Variants in UACA observed in about 807,000 individuals in gnomAD.
The protein encoded by UACA is nuclear membrane binding protein.
UACA carries 112 observed loss-of-function variants against 160.5 expected under a neutral mutation model. The ratio of observed to expected loss-of-function variants is 0.70; its 90% CI spans 0.60 to 0.82. The LOEUF (loss-of-function observed/expected upper bound fraction) is 0.82, where lower values mean the gene tolerates loss of function less well. Among genes scored for constraint, UACA ranks in the 40% least tolerant of loss-of-function variants. The pLI is 0.00. For synonymous variants in UACA, 557 were observed against 568.4 expected, an observed-to-expected ratio of 0.98 and a Z score of 0.29; for missense variants, 1,574 against 1,614.6, an observed-to-expected ratio of 0.97 and a Z score of 0.43.
In UACA at chr15:70,656,382, T is replaced by A. The variant is rs1896474279; in HGVS notation, c.*674A>T. 6.6e-6 allele frequency: 1 copy of A among 152,198 alleles called. No individual in the cohort carries two copies. The highest frequency in any genetic ancestry group is 2.4e-5 in the African/African-American group (1 of 41,440). 9.4% of individuals were successfully genotyped at this position (152,198 alleles called of 1,614,324 possible). A position where few individuals can be genotyped will look rare whatever the true frequency, so the allele number is the denominator to read the frequency against. On this transcript the variant is annotated 3_prime_UTR_variant, in exon 19 of 19. Coordinates refer to ENST00000322954, the MANE Select transcript of UACA (RefSeq NM_018003.4). ...AAAAATTAAGATACTGTTGTAGAGA[T>A]TAAGGCAATTTTATTATAAATTCCT...
chr15:70,706,097 T>C (rs1898515476), intron 1 of UACA, among the ~76,000 whole-genome samples: 1 of 152,186 alleles, frequency 6.6e-6, no homozygotes, highest in Admixed American at 6.5e-5. Context: ...GTATAATCTT[T>C]ATTCCTGGAA....
In UACA at chr15:70,694,959, A is replaced by G. The variant is rs77869548; in HGVS notation, c.301+58T>C. 1.2e-3 allele frequency: 1,542 copies of G among 1,293,244 alleles called. 17 individuals carry two copies. In the African/African-American group the frequency reaches 0.02, roughly 17 times the overall value. The allele number at this position is 1,293,244 out of a possible 1,614,324, so 80.1% of individuals were successfully genotyped here. A position where few individuals can be genotyped will look rare whatever the true frequency, so the allele number is the denominator to read the frequency against. ...TTTAGGTCTGAATAAAAATGTTAGC[A>G]GTGGACAATGTTTGTTTTCACTTTA... On this transcript the variant is annotated intron_variant, in intron 3 of 18. Coordinates refer to ENST00000322954, the MANE Select transcript of UACA (RefSeq NM_018003.4).
intron 17 of UACA, 47 bp downstream of exon 17, chr15:70,664,615 G>T: frequency 6.4e-7 from 1 of 1,552,148 alleles, no homozygotes; most frequent in Non-Finnish European, 8.7e-7. Flanking sequence ...CTAACTACAG[G>T]GAGCCAGCAC....
At chr15:70,772,013 A>G in the UACA span, among the ~76,000 whole-genome samples, 4 of 152,196 alleles carry the variant, frequency 2.6e-5, no homozygotes, top group Non-Finnish European at 4.4e-5. Context: ...AAGCTAACTA[A>G]GTAGGGGATG....
the UACA span, among the ~76,000 whole-genome samples, chr15:70,769,136 G>T: frequency 6.6e-6 from 1 of 151,726 alleles, no homozygotes; most frequent in Admixed American, 6.6e-5. Flanking sequence ...AGGCGGGCAG[G>T]TCACGAAGTC....
At chr15:70,658,814 G>A (rs1009031374) in intron 18 of UACA, among the ~76,000 whole-genome samples, 15 of 152,048 alleles carry the variant, frequency 9.9e-5, no homozygotes, top group African/African-American at 3.6e-4. Flanking sequence ...ACAGCAGGAT[G>A]TTTACATTTC....
At chr15:70,666,695 C>T in intron 16 of UACA, 29 bp downstream of exon 16, 2 of 1,537,536 alleles carry the variant, frequency 1.3e-6, no homozygotes, top group Non-Finnish European at 8.7e-7. Flanking sequence ...GTTTCCAACA[C>T]ATAGCCGTGC....
intron 2 of UACA, among the ~76,000 whole-genome samples, chr15:70,697,416 A>C (rs1302533454): frequency 6.6e-6 from 1 of 152,226 alleles, no homozygotes; most frequent in Non-Finnish European, 1.5e-5. Context: ...ATCCTTGGTG[A>C]ACCTTCCCCA....
intron 1 of UACA, among the ~76,000 whole-genome samples, chr15:70,704,481 C>A (rs1192984369): frequency 6.6e-6 from 1 of 152,166 alleles, no homozygotes; most frequent in African/African-American, 2.4e-5. Context: ...GCCTACAAAT[C>A]CACTGGACTC....
intron 10 of UACA, 75 bp downstream of exon 10, chr15:70,679,533 T>A (rs1343261596): frequency 6.2e-6 from 6 of 964,540 alleles, no homozygotes; most frequent in Non-Finnish European, 9.3e-6. Context: ...TCTTGCTTCC[T>A]CTCTTCTCTC....
chr15:70,754,253 CTT>C, intron 1 of UACA: 1 of 426,200 alleles, frequency 2.3e-6, no homozygotes. Context: ...GATGGTTAGA[CTT>C]AGGATTTTTT....
chr15:70,679,886 A>T (rs986711689), intron 9 of UACA: 1 of 286,652 alleles, frequency 3.5e-6, no homozygotes, highest in Non-Finnish European at 6.4e-6. Flanking sequence ...TAACTTATTT[A>T]AAAATACTAA....
intron 3 of UACA, among the ~76,000 whole-genome samples, 190 bp from the exon 4 acceptor site, chr15:70,691,553 A>G (rs1377184073): frequency 1.3e-5 from 2 of 152,196 alleles, no homozygotes; most frequent in Admixed American, 6.5e-5. Context: ...GTACCAAAAC[A>G]ATGAAGGTAG....
In UACA at chr15:70,668,579, C is replaced by T. The variant is rs779081391; in HGVS notation, c.2105G>A (p.Gly702Glu). 2.5e-6 allele frequency: 4 copies of T among 1,612,854 alleles called. No homozygotes were observed. The highest frequency in any genetic ancestry group is 2.2e-5 in the South Asian group (2 of 90,810). ...CAATGTTAACTCAGTGATCTTCTTC[C>T]CAAGTTCTCCTGATTTCTGTTCTAA... ...SRLEQKSGEL[G>E]KKITELTLKN... The change falls in exon 16 of 19, where the codon GGG (glycine) becomes GAG (glutamate). Residue 702 changes from glycine to glutamate, a missense_variant. Transcript: ENST00000322954.
At chr15:70,659,415 T>TTTTTTTTTTTTTTTTTTTTTA (rs1896617315) in intron 18 of UACA, among the ~76,000 whole-genome samples, 1 of 134,956 alleles carries the variant, frequency 7.4e-6, no homozygotes, top group African/African-American at 2.7e-5. Context: ...TTTTTTTTTT[T>TTTTTTTTTTTTTTTTTTTTTA]TTTTTTTGCT....
chr15:70,720,521 T>A (rs1477572263), intron 1 of UACA, among the ~76,000 whole-genome samples: 1 of 152,148 alleles, frequency 6.6e-6, no homozygotes, highest in Non-Finnish European at 1.5e-5. Flanking sequence ...CCTGTCTCTG[T>A]TCCACTACTG....
At chr15:70,775,882 C>T in the UACA span, among the ~76,000 whole-genome samples, 5 of 152,198 alleles carry the variant, frequency 3.3e-5, no homozygotes, top group African/African-American at 1.2e-4. Context: ...AGAAATTTAA[C>T]TTAATGCCAT....
intron 1 of UACA, among the ~76,000 whole-genome samples, chr15:70,749,501 G>A (rs1361745498): frequency 1.3e-5 from 2 of 151,258 alleles, no homozygotes; most frequent in East Asian, 3.9e-4. Flanking sequence ...ACTCTGGCCT[G>A]GGCGATAAGC....
intron 1 of UACA, chr15:70,701,968 CA>C (rs1295090690): frequency 6.2e-7 from 1 of 1,605,406 alleles, no homozygotes. Context: ...CATTAAGTTA[CA>C]AATCTCTGTA....
Sources: gnomAD v4.1 joint callset for allele counts (sites outside exome capture counted in the v4.1 genomes callset) on GRCh38, gnomAD v4.1.1 for gene constraint, MANE v1.5 for transcripts, NCBI Gene and HGNC (gene_info 2026-07-23, HGNC 2026-07-21) for gene names.